The following CSRNP3 variants were observed in gnomAD, a reference collection of about 807,000 sequenced individuals.
The protein encoded by CSRNP3 is cysteine/serine-rich nuclear protein 3.
A neutral mutation model predicts 48.0 loss-of-function variants in CSRNP3; 12 were observed. That is an observed-to-expected ratio of 0.25 (90% CI 0.16 to 0.41). The LOEUF is 0.41. Among genes scored for constraint, CSRNP3 ranks in the 10% least tolerant of loss-of-function variants. The pLI is 1.00. For synonymous variants in CSRNP3, 263 were observed against 269.7 expected (o/e 0.98, Z 0.24); for missense variants, 580 against 724.4 (o/e 0.80, Z 2.29).
intron 4 of CSRNP3, among the ~76,000 whole-genome samples, chr2:165,649,800 CT>C (rs1234854901): frequency 6.6e-6 from 1 of 152,078 alleles, no homozygotes; most frequent in Non-Finnish European, 1.5e-5. Context: ...ACTTGTTGTC[CT>C]TTAGGTACAT....
rs371437334 is a variant in CSRNP3, at chr2:165,512,966, G to A, written c.-112-4907G>A. Among the ~76,000 whole-genome samples the A allele has an allele frequency of 2.2e-4, 34 of 152,234 alleles. 1 individual carries two copies. In the East Asian group the frequency reaches 4.8e-3, roughly 22 times the overall value. ...AAAAATACAAAAATATTAGCCGGGCGTGGTGGCACGCGCCTGTAGTCCCAG... is the reference window on the plus strand; with the variant it reads ...AAAAATACAAAAATATTAGCCGGGCATGGTGGCACGCGCCTGTAGTCCCAG... On this transcript the variant is annotated intron_variant, in intron 2 of 6. Transcript: ENST00000651982.
At chr2:165,536,544 C>G (rs1684884442) in intron 3 of CSRNP3, among the ~76,000 whole-genome samples, 1 of 151,844 alleles carries the variant, frequency 6.6e-6, no homozygotes, top group Non-Finnish European at 1.5e-5. Flanking sequence ...TAACGATGGT[C>G]TCTAAGATTT....
At chr2:165,524,547 T>C (rs2105238107) in intron 3 of CSRNP3, among the ~76,000 whole-genome samples, 1 of 152,284 alleles carries the variant, frequency 6.6e-6, no homozygotes, top group Non-Finnish European at 1.5e-5. Context: ...CATGTAACTT[T>C]CGCAACAATC....
At chr2:165,504,367 G>C (rs114621899) in intron 2 of CSRNP3, among the ~76,000 whole-genome samples, 1 of 151,894 alleles carries the variant, frequency 6.6e-6, no homozygotes, top group Non-Finnish European at 1.5e-5. Flanking sequence ...GTTTATTCTT[G>C]TGTGAAAGAT....
chr2:165,625,782 A>T (rs1346185012), intron 4 of CSRNP3, among the ~76,000 whole-genome samples: 1 of 150,244 alleles, frequency 6.7e-6, no homozygotes, highest in Non-Finnish European at 1.5e-5. Flanking sequence ...AAAGTACAAA[A>T]ATTAGCCTGG....
Position 165,666,999 on chromosome 2 carries a change from G to GAGGAAGGAAGGAAGGAA in CSRNP3, c.408+8981_408+8982insGAAGGAAGGAAGGAAAG, listed in dbSNP as rs1687235722. Among the ~76,000 whole-genome samples, 3 of 106,766 alleles carry GAGGAAGGAAGGAAGGAA rather than the reference G, an allele frequency of 2.8e-5. 1 individual carries two copies. Among genetic ancestry groups the GAGGAAGGAAGGAAGGAA allele is most frequent in the Non-Finnish European group, 6.9e-5 (3 of 43,306 alleles). 70.0% of individuals were successfully genotyped at this position (106,766 alleles called of 152,430 possible). A position where few individuals can be genotyped will look rare whatever the true frequency, so the allele number is the denominator to read the frequency against. The stretch of plus-strand genomic sequence containing the variant: ...AGAGAGAGAGGAAGAAAGAAAGAGA[G>GAGGAAGGAAGGAAGGAA]AGAGAGGAAGGAAGGAAGGAAAGAG... On this transcript the variant is annotated intron_variant, in intron 5 of 6. Transcript: ENST00000651982.
At chr2:165,567,621 A>G (rs1447752129) in intron 3 of CSRNP3, among the ~76,000 whole-genome samples, 1 of 152,094 alleles carries the variant, frequency 6.6e-6, no homozygotes, top group Admixed American at 6.6e-5. Context: ...GTTCACTTCA[A>G]TAGGTAATGG....
intron 3 of CSRNP3, among the ~76,000 whole-genome samples, chr2:165,523,719 C>A (rs771199830): frequency 2.0e-5 from 3 of 152,166 alleles, no homozygotes; most frequent in Non-Finnish European, 4.4e-5. Context: ...TCACAAACCA[C>A]AAACTCAAAC....
chr2:165,574,184 T>G (rs1215969662), intron 3 of CSRNP3: 9 of 505,136 alleles, frequency 1.8e-5, no homozygotes, highest in Non-Finnish European at 2.8e-5. Context: ...CCGTTTCAGC[T>G]GCTGGAGGAC....
At chr2:165,561,711 G>T (rs1018172782) in intron 3 of CSRNP3, among the ~76,000 whole-genome samples, 3 of 152,044 alleles carry the variant, frequency 2.0e-5, no homozygotes, top group African/African-American at 7.2e-5. Flanking sequence ...TTTAATATTT[G>T]CTACCCCACA....
chr2:165,667,341 T>G (rs1367822303), intron 5 of CSRNP3, among the ~76,000 whole-genome samples: 5 of 152,250 alleles, frequency 3.3e-5, no homozygotes, highest in African/African-American at 1.2e-4. Flanking sequence ...TTCCCTGTAG[T>G]AAACTTAGGC....
In CSRNP3 at chr2:165,639,143, T is replaced by C. The variant is rs886549388; in HGVS notation, c.149-18618T>C. On this transcript the variant is annotated intron_variant, in intron 4 of 6. Coordinates refer to ENST00000651982, the MANE Select transcript of CSRNP3 (RefSeq NM_001172173.2). ...GTATTTTCTCTATATGACACATCGC[T>C]GCTTTCTTGCATTTAGGAATAGTAG... Among the ~76,000 whole-genome samples the C allele has an allele frequency of 8.5e-5, 13 of 152,200 alleles. 1 individual carries two copies. Among genetic ancestry groups the C allele is most frequent in the African/African-American group, 3.1e-4 (13 of 41,428 alleles).
Position 165,679,032 on chromosome 2 carries a change from A to T in CSRNP3, c.1037A>T (p.Glu346Val), listed in dbSNP as rs1360911678. ...TGCCAAGGAGAGGAGGAGGAAGAAG[A>T]GGAGGATGGGAGCAGCTTTTGCAGC... ...LDCQGEEEEE[E>V]EDGSSFCSGV... The change falls in exon 7 of 7, where the codon GAG (glutamate) becomes GTG (valine). Residue 346 changes from glutamate (E) to valine (V), a missense_variant. This residue lies in a region of CSRNP3 where 369 missense variants were observed against 380.8 expected (regional missense o/e 0.97). Transcript: ENST00000651982. The T allele has an allele frequency of 1.9e-6, 3 of 1,613,946 alleles. No homozygotes were observed. The highest frequency in any genetic ancestry group is 1.1e-5 in the South Asian group (1 of 91,074).
chr2:165,596,937 C>T (rs1254812481), intron 4 of CSRNP3, among the ~76,000 whole-genome samples: 1 of 152,168 alleles, frequency 6.6e-6, no homozygotes, highest in African/African-American at 2.4e-5. Context: ...TACAGCAATT[C>T]TGAAAGTAAG....
chr2:165,568,272 T>A (rs567660992), intron 3 of CSRNP3, among the ~76,000 whole-genome samples: 1 of 152,116 alleles, frequency 6.6e-6, no homozygotes, highest in East Asian at 1.9e-4. Context: ...TCTTATCTTA[T>A]CCCCTGGTGA....
chr2:165,517,095 T>A (rs1684591540), intron 2 of CSRNP3, among the ~76,000 whole-genome samples: 1 of 152,000 alleles, frequency 6.6e-6, no homozygotes, highest in Admixed American at 6.6e-5. Context: ...ATTTTTACAT[T>A]TTTATATGGA....
At chr2:165,482,329 T>G (rs1348189172) in intron 1 of CSRNP3, among the ~76,000 whole-genome samples, 1 of 151,444 alleles carries the variant, frequency 6.6e-6, no homozygotes, top group Non-Finnish European at 1.5e-5. Context: ...AGTGGAATGA[T>G]CTTGAATCAC....
intron 2 of CSRNP3, among the ~76,000 whole-genome samples, chr2:165,513,820 A>G (rs1015090896): frequency 7.2e-5 from 11 of 152,202 alleles, no homozygotes; most frequent in African/African-American, 2.7e-4. Flanking sequence ...GTGATTTCCA[A>G]GGGCAACCAG....
intron 3 of CSRNP3, among the ~76,000 whole-genome samples, chr2:165,567,590 G>A (rs961239628): frequency 2.0e-5 from 3 of 152,008 alleles, no homozygotes; most frequent in African/African-American, 7.2e-5. Flanking sequence ...AAAACCGAAA[G>A]GGTAAAACTC....
Sources: allele counts gnomAD v4.1 joint callset (sites outside exome capture counted in the v4.1 genomes callset), GRCh38; gene constraint gnomAD v4.1.1; regional missense constraint gnomAD v4.1.1; transcripts MANE v1.5; gene names NCBI Gene and HGNC (gene_info 2026-07-23, HGNC 2026-07-21).